STRN: variants seen among roughly 807,000 people sequenced by gnomAD.
The protein encoded by STRN is striatin.
Under a neutral mutation model 96.3 loss-of-function variants are expected in STRN, and 53 were observed. That is an observed-to-expected ratio of 0.55 (90% CI 0.44 to 0.69). The LOEUF is 0.69. Ranked by LOEUF, STRN falls within the 30% of genes least tolerant of loss-of-function variation. STRN has a pLI of 0.00. For missense variants in STRN, 987 were observed against 963.9 expected, an observed-to-expected ratio of 1.02 and a Z score of -0.32; for synonymous variants, 428 against 355.9, an observed-to-expected ratio of 1.20 and a Z score of -2.28.
At chr2:36,939,302 G>A (rs912354125) in intron 1 of STRN, among the ~76,000 whole-genome samples, 3 of 152,016 alleles carry the variant, frequency 2.0e-5, no homozygotes, top group African/African-American at 7.2e-5. Flanking sequence ...GCCACTCAGG[G>A]ATCTCCCGTT....
chr2:36,880,094 A>G (rs1669028432), intron 9 of STRN, among the ~76,000 whole-genome samples: 1 of 152,146 alleles, frequency 6.6e-6, no homozygotes, highest in South Asian at 2.1e-4. Flanking sequence ...CAGCCTCCCA[A>G]GTAGCTGAGA....
intron 2 of STRN, among the ~76,000 whole-genome samples, chr2:36,917,538 G>GAAAA (rs576754026): frequency 1.1e-5 from 1 of 88,670 alleles, no homozygotes; most frequent in African/African-American, 3.4e-5. Flanking sequence ...ACAAAAAAAA[G>GAAAA]AAAAAAAAAA....
chr2:36,905,120 C>A (rs1669788749), intron 4 of STRN, among the ~76,000 whole-genome samples: 1 of 152,012 alleles, frequency 6.6e-6, no homozygotes, highest in Non-Finnish European at 1.5e-5. Flanking sequence ...CAGGCATGTG[C>A]CACCACGCCC....
chr2:36,888,635 T>TTA (rs1351875218), intron 7 of STRN, among the ~76,000 whole-genome samples: 5 of 85,480 alleles, frequency 5.8e-5, no homozygotes, highest in African/African-American at 1.9e-4. Flanking sequence ...GGTTTTTAAT[T>TTA]TATATGTGTG....
At chr2:36,910,858 C>CA (rs1296613569) in intron 3 of STRN, among the ~76,000 whole-genome samples, 2 of 151,722 alleles carry the variant, frequency 1.3e-5, no homozygotes, top group African/African-American at 4.8e-5. Flanking sequence ...ACTGAAATAT[C>CA]AAAAATAAAT....
chr2:36,899,977 C>T (rs1669641903), intron 5 of STRN, among the ~76,000 whole-genome samples: 1 of 152,102 alleles, frequency 6.6e-6, no homozygotes, highest in South Asian at 2.1e-4. Context: ...CAGTCTCCGC[C>T]TCCCAGGTTC....
At chr2:36,883,713 T>C (rs895443548) in intron 9 of STRN, among the ~76,000 whole-genome samples, 7 of 152,168 alleles carry the variant, frequency 4.6e-5, no homozygotes, top group African/African-American at 7.2e-5. Context: ...AACCAGAATT[T>C]AGAGTTGGTT....
intron 7 of STRN, among the ~76,000 whole-genome samples, chr2:36,887,867 T>C (rs145727821): frequency 2.2e-3 from 338 of 152,338 alleles, no homozygotes; most frequent in Non-Finnish European, 3.8e-3. Context: ...TATAAAACAA[T>C]GTAAATACTA....
chr2:36,890,608 C>A (rs961153190), intron 7 of STRN, among the ~76,000 whole-genome samples: 1 of 151,370 alleles, frequency 6.6e-6, no homozygotes, highest in Non-Finnish European at 1.5e-5. Context: ...CTCAGCCTCC[C>A]GAGTAGCTGG....
At chr2:36,909,429 G>A (rs896358157) in intron 3 of STRN, among the ~76,000 whole-genome samples, 9 of 152,004 alleles carry the variant, frequency 5.9e-5, no homozygotes, top group Non-Finnish European at 1.0e-4. Flanking sequence ...TAGATTTACC[G>A]TCCTGCTGAA....
chr2:36,861,246 C>A lies in STRN; in HGVS notation c.1555G>T (p.Val519Leu), dbSNP rs765182946. ...IYTFRAHKGP[V>L]LCVVMSSNGE... is the part of the protein sequence containing the mutation. ...TTGCTGCTCATTACCACACAAAGCA[C>A]TGGACCTCTGGGAGATTAAAAAAAA... The change falls in exon 13 of 18, where the codon GTG becomes TTG. Residue 519 changes from valine (V) to leucine (L), a missense_variant. By Grantham distance (32) the Val-to-Leu change is conservative. Coordinates refer to ENST00000263918, the MANE Select transcript of STRN (RefSeq NM_003162.4). 1.2e-6 allele frequency: 2 copies of A among 1,613,286 alleles called. No individual in the cohort carries two copies.
chr2:36,946,108 G>GA (rs1250107798), intron 1 of STRN, among the ~76,000 whole-genome samples: 1 of 151,752 alleles, frequency 6.6e-6, no homozygotes, highest in Non-Finnish European at 1.5e-5. Flanking sequence ...TAGAAAAAGA[G>GA]AGGTATAAAT....
intron 3 of STRN, among the ~76,000 whole-genome samples, chr2:36,915,272 T>TATATATATATATATAA (rs1553401128): frequency 8.0e-6 from 1 of 124,714 alleles, no homozygotes; most frequent in Admixed American, 8.1e-5. Context: ...TATATATATA[T>TATATATATATATATAA]AAAGCCTCTA....
intron 3 of STRN, among the ~76,000 whole-genome samples, chr2:36,909,373 G>C (rs879587987): frequency 6.6e-6 from 1 of 151,876 alleles, no homozygotes; most frequent in Admixed American, 6.6e-5. Flanking sequence ...CGGTAATATC[G>C]AAAGTATTTG....
intron 1 of STRN, among the ~76,000 whole-genome samples, chr2:36,934,219 A>T (rs1324609631): frequency 6.6e-6 from 1 of 152,246 alleles, no homozygotes; most frequent in Non-Finnish European, 1.5e-5. Context: ...CAGAAAAAGA[A>T]CAGAAATGTT....
intron 10 of STRN, among the ~76,000 whole-genome samples, chr2:36,874,740 A>C (rs935982773): frequency 1.4e-5 from 2 of 146,834 alleles, no homozygotes; most frequent in Non-Finnish European, 3.0e-5. Flanking sequence ...AAAAAAAAAA[A>C]CACCTCTGCC....
intron 12 of STRN, among the ~76,000 whole-genome samples, chr2:36,863,879 G>T (rs1185273704): frequency 2.0e-5 from 3 of 151,944 alleles, no homozygotes; most frequent in African/African-American, 7.3e-5. Flanking sequence ...CACCTCCATG[G>T]TTAGCTATAT....
intron 2 of STRN, among the ~76,000 whole-genome samples, chr2:36,922,311 G>C (rs1294940642): frequency 6.6e-6 from 1 of 151,946 alleles, no homozygotes; most frequent in East Asian, 1.9e-4. Context: ...TTGAGCCCAG[G>C]AGGTCCAGAC....
At chr2:36,885,055 T>TA (rs937603430) in intron 8 of STRN, among the ~76,000 whole-genome samples, 12 of 151,474 alleles carry the variant, frequency 7.9e-5, no homozygotes, top group Admixed American at 4.0e-4. Flanking sequence ...TTCACCATAC[T>TA]AAAAAAAAAC....
Sources: allele counts gnomAD v4.1 joint callset (sites outside exome capture counted in the v4.1 genomes callset), GRCh38; gene constraint gnomAD v4.1.1; transcripts MANE v1.5; gene names NCBI Gene and HGNC (gene_info 2026-07-23, HGNC 2026-07-21).